NLRC5: variants seen among roughly 807,000 people sequenced by gnomAD.
The protein encoded by NLRC5 is NLR family CARD domain containing 5.
NLRC5 carries 114 observed loss-of-function variants against 206.9 expected under a neutral mutation model. That is an observed-to-expected ratio of 0.55 (90% CI 0.47 to 0.64). NLRC5 has a LOEUF of 0.64. Among genes scored for constraint, NLRC5 ranks in the 30% least tolerant of loss-of-function variants. NLRC5 has a pLI of 0.00. For synonymous variants in NLRC5, 952 were observed against 962.8 expected (o/e 0.99, Z 0.21); for missense variants, 2,008 against 2,305.5 (o/e 0.87, Z 2.64).
intron 24 of NLRC5, chr16:57,053,210 C>A (rs929303544): frequency 6.6e-6 from 1 of 152,188 alleles, no homozygotes; most frequent in Admixed American, 6.5e-5. Flanking sequence ...TGGCAGAAGC[C>A]ATCAGGGAAC....
In NLRC5 at chr16:57,055,511, C is replaced by T; in HGVS notation, c.3738C>T (p.Ser1246=). 6.2e-7 allele frequency: 1 copy of T among 1,613,354 alleles called. No individual in the cohort carries two copies. Among genetic ancestry groups the T allele is most frequent in the Non-Finnish European group, 8.5e-7 (1 of 1,179,490 alleles). The change falls in exon 27 of 49, where the codon AGC becomes AGT. Residue 1246 remains serine, a synonymous_variant. Coordinates refer to ENST00000688547, the MANE Select transcript of NLRC5 (RefSeq NM_001384950.1). ...CWLLSKCKDL[S]QVDLSANLLG... ...TGCTGAGCAAGTGTAAAGACCTCAG[C>T]CAGGTGGAGTAAGTTGAGGGAGGAG...
intron 5 of NLRC5, 87 bp from the exon 6 acceptor site, chr16:57,025,281 G>A: frequency 1.3e-6 from 2 of 1,485,052 alleles, no homozygotes; most frequent in South Asian, 1.4e-5. Context: ...GGGGCTACAG[G>A]CTCCCAACAG....
chr16:57,052,797 G>A (rs1236123235), intron 24 of NLRC5: 2 of 152,198 alleles, frequency 1.3e-5, no homozygotes, highest in Non-Finnish European at 2.9e-5. Flanking sequence ...ACCCTGCCCG[G>A]AGATAATGAG....
At chr16:56,998,415 CT>C (rs2057882279) in intron 1 of NLRC5, among the ~76,000 whole-genome samples, 1 of 152,062 alleles carries the variant, frequency 6.6e-6, no homozygotes, top group African/African-American at 2.4e-5. Flanking sequence ...AAAAATAATT[CT>C]TATATAGGGC....
rs368251771 is a variant in NLRC5 at position 57,061,601 on chromosome 16, C to G, written c.4071-17C>G. 4 of 1,609,756 alleles carry G rather than the reference C, an allele frequency of 2.5e-6. No homozygotes were observed. Among genetic ancestry groups the G allele is most frequent in the Non-Finnish European group, 3.4e-6 (4 of 1,179,310 alleles). On this transcript the variant is annotated splice_polypyrimidine_tract_variant and intron_variant, in intron 31 of 48. Transcript: ENST00000688547. ...CACCCTGCCAGAGCCACCTCAGTGACTGACCTCTGTCTCCAGGCTGACCCA... is the reference window on the plus strand; with the variant it reads ...CACCCTGCCAGAGCCACCTCAGTGAGTGACCTCTGTCTCCAGGCTGACCCA...
Position 56,993,141 on chromosome 16 carries a change from AC to A in NLRC5, c.-128+3525del, listed in dbSNP as rs1434600461. On this transcript the variant is annotated intron_variant, in intron 1 of 48. Transcript: ENST00000688547. ...TATGTGTATATATATATACACACAC[AC>A]ACACACACACATATACACATATATA... is the stretch of plus-strand genomic sequence containing the variant. 2.0e-5 allele frequency among the ~76,000 whole-genome samples: 3 copies of A among 151,010 alleles called. No individual in the cohort carries two copies. In the East Asian group the frequency reaches 5.8e-4, roughly 29 times the overall value.
rs865826352 is a variant in NLRC5, at chr16:57,039,677, A to G, written c.2802-104A>G. ...GGCTTCAGTGAGCCATGATTGCACC[A>G]CTGCACACCAGCTTGGGCAACAGAC... On this transcript the variant is annotated intron_variant, in intron 15 of 48. Coordinates refer to ENST00000688547, the MANE Select transcript of NLRC5 (RefSeq NM_001384950.1). 38 of 1,003,102 alleles carry G rather than the reference A, an allele frequency of 3.8e-5. No homozygotes were observed. The Middle Eastern group carries it at 2.1e-3, about 56-fold the overall frequency. The allele number at this position is 1,003,102 out of a possible 1,614,324, so 62.1% of individuals were successfully genotyped here.
At chr16:57,044,735 A>G (rs1159269610) in intron 20 of NLRC5, among the ~76,000 whole-genome samples, 1 of 152,102 alleles carries the variant, frequency 6.6e-6, no homozygotes, top group Non-Finnish European at 1.5e-5. Flanking sequence ...CCTGGACAAC[A>G]TGGTGAGACC....
At chr16:57,023,458 C>T (rs1262869053) in intron 4 of NLRC5, among the ~76,000 whole-genome samples, 1 of 152,286 alleles carries the variant, frequency 6.6e-6, no homozygotes, top group African/African-American at 2.4e-5. Flanking sequence ...CTTGGTCCTT[C>T]CCTGATGGAC....
chr16:57,025,898 G>C lies in NLRC5; in HGVS notation c.955G>C (p.Asp319His), dbSNP rs1458271855. Reference protein sequence around the residue: ...LDEALQPMGPDGPGPVLTLFS... With the variant: ...LDEALQPMGPHGPGPVLTLFS... ...TGAGGCCCTCCAGCCTATGGGTCCT[G>C]ATGGCCCAGGCCCAGTCCTCACCCT... The change falls in exon 6 of 49, where the codon GAT becomes CAT. Residue 319 changes from aspartate (D) to histidine (H), a missense_variant. Physicochemically the swap from Asp to His is moderately conservative, Grantham distance 81. Coordinates refer to ENST00000688547, the MANE Select transcript of NLRC5 (RefSeq NM_001384950.1). 3 of 1,614,226 alleles carry C rather than the reference G, an allele frequency of 1.9e-6. No homozygotes were observed. The highest frequency in any genetic ancestry group is 2.5e-6 in the Non-Finnish European group (3 of 1,180,046).
At chr16:56,999,697 G>A (rs1203612366) in intron 1 of NLRC5, among the ~76,000 whole-genome samples, 1 of 152,372 alleles carries the variant, frequency 6.6e-6, no homozygotes, top group East Asian at 1.9e-4. Flanking sequence ...AGGGGATAAA[G>A]CTGAGTGTTG....
In NLRC5 at chr16:57,034,320, C is replaced by T. The variant is rs1459224112; in HGVS notation, c.2627+69C>T. ...GTTGGAGAGGGTGGGCAGGGCCTCG[C>T]CTTTGGGTGGGTGGTGTGGGGGAGG... is the stretch of plus-strand genomic sequence containing the variant. On this transcript the variant is annotated intron_variant, in intron 13 of 48. Coordinates refer to ENST00000688547, the MANE Select transcript of NLRC5 (RefSeq NM_001384950.1). 4.9e-6 allele frequency: 6 copies of T among 1,215,190 alleles called. No individual in the cohort carries two copies. In the Admixed American group the frequency reaches 9.5e-5, roughly 19 times the overall value. The allele number at this position is 1,215,190 out of a possible 1,614,324, so 75.3% of individuals were successfully genotyped here. A position where few individuals can be genotyped will look rare whatever the true frequency, so the allele number is the denominator to read the frequency against.
Position 57,033,637 on chromosome 16 carries a change from G to T in NLRC5, c.2511G>T (p.Arg837Ser). The part of the protein sequence containing the change: ...APDLQESDGQ[R>S]KGAQSRSLTL... ...ACCTGCAGGAAAGTGACGGCCAGAG[G>T]AAAGGGGCTCAGAGCAGAAGCTTGA... The change falls in exon 12 of 49, where the codon AGG becomes AGT. Residue 837 changes from arginine (R) to serine (S), a missense_variant. Arg to Ser is a moderately radical substitution (Grantham distance 110). Transcript: ENST00000688547. 6.2e-7 allele frequency: 1 copy of T among 1,614,156 alleles called. No homozygotes were observed. The highest frequency in any genetic ancestry group is 8.5e-7 in the Non-Finnish European group (1 of 1,180,008).
intron 29 of NLRC5, 93 bp from the exon 30 acceptor site, chr16:57,059,374 C>T (rs2066110450): frequency 6.5e-7 from 1 of 1,530,494 alleles, no homozygotes; most frequent in Non-Finnish European, 8.8e-7. Flanking sequence ...TGGGTGCAGC[C>T]CCGCTTCCCT....
chr16:57,045,563 C>T (rs557152334), intron 21 of NLRC5, 71 bp downstream of exon 21: 49 of 1,464,988 alleles, frequency 3.3e-5, no homozygotes, highest in Non-Finnish European at 4.3e-5. Context: ...GGTCCCCCCA[C>T]CCCCAGACCC....
At position 57,061,449 on chromosome 16, in the gene NLRC5, C is replaced by A. The variant is rs1894441830; in HGVS notation, c.3988C>A (p.Leu1330Ile). The A allele has an allele frequency of 6.2e-7, 1 of 1,611,080 alleles. No homozygotes were observed. The change falls in exon 31 of 49, where the codon CTA (leucine) becomes ATA (isoleucine). Residue 1330 changes from leucine (L) to isoleucine (I), a missense_variant and splice_region_variant. Leu to Ile is a conservative substitution (Grantham distance 5). Coordinates refer to ENST00000688547, the MANE Select transcript of NLRC5 (RefSeq NM_001384950.1). Reference sequence around the variant, plus strand: ...TCTGCCCTGGCTTTCTGCCCTCAGGCTAAGTGAGTGCAGCTTCCGGCCAGA... The same window carrying A: ...TCTGCCCTGGCTTTCTGCCCTCAGGATAAGTGAGTGCAGCTTCCGGCCAGA... ...REDQAGKTLRLSECSFRPEHV... is the reference protein window; with the variant it reads ...REDQAGKTLRISECSFRPEHV...
intron 8 of NLRC5, among the ~76,000 whole-genome samples, chr16:57,028,822 A>T (rs2061502416): frequency 6.6e-6 from 1 of 152,220 alleles, no homozygotes; most frequent in Admixed American, 6.5e-5. Context: ...ATAGGTGTGC[A>T]CATGTATGCA....
chr16:57,003,215 A>G (rs2058501117), intron 1 of NLRC5, among the ~76,000 whole-genome samples: 1 of 151,710 alleles, frequency 6.6e-6, no homozygotes, highest in African/African-American at 2.4e-5. Context: ...CGCCTGGCTA[A>G]TTTTTTTTAT....
At position 57,059,486 on chromosome 16, in the gene NLRC5, T is replaced by C. The variant is rs762243412; in HGVS notation, c.3940T>C (p.Phe1314Leu). 2.0e-5 allele frequency: 32 copies of C among 1,611,158 alleles called. No individual in the cohort carries two copies. Among genetic ancestry groups the C allele is most frequent in the Non-Finnish European group, 2.5e-5 (30 of 1,178,788 alleles). The change falls in exon 30 of 49, where the codon TTC becomes CTC. Residue 1314 changes from phenylalanine (F) to leucine (L), a missense_variant. By Grantham distance (22) the Phe-to-Leu change is conservative (BLOSUM62 0). Transcript: ENST00000688547. ...ASVNLGSEQS[F>L]RIHFSREDQA... Reference sequence around the variant, plus strand: ...CTGCAGCCTGGGCTCTGAGCAGAGCTTCCGGATTCACTTCTCCAGAGAGGA... The same window carrying C: ...CTGCAGCCTGGGCTCTGAGCAGAGCCTCCGGATTCACTTCTCCAGAGAGGA...
Sources: allele counts gnomAD v4.1 joint callset (sites outside exome capture counted in the v4.1 genomes callset), GRCh38; gene constraint gnomAD v4.1.1; transcripts MANE v1.5; gene names NCBI Gene and HGNC (gene_info 2026-07-23, HGNC 2026-07-21).